Variants in HP observed in about 807,000 individuals in gnomAD.
HP encodes haptoglobin alpha(1S)-beta.
HP carries 9 observed loss-of-function variants against 23.2 expected under a neutral mutation model. The observed-to-expected ratio is 0.39, with a 90% CI of 0.23 to 0.68. The LOEUF (loss-of-function observed/expected upper bound fraction) is 0.68, where lower values mean the gene tolerates loss of function less well. HP is among the 30% of genes least tolerant of loss of function. The pLI is 0.47. For synonymous variants in HP, 155 were observed against 183.3 expected (o/e 0.85, Z 1.25); for missense variants, 433 against 483.6 (o/e 0.90, Z 0.98).
intron 6 of HP, chr16:72,059,859 C>G: frequency 2.4e-6 from 2 of 831,800 alleles, no homozygotes; most frequent in Admixed American, 3.0e-5. Flanking sequence ...AGCCAGGGCT[C>G]AAAAATCTCA....
At position 72,056,042 on chromosome 16, in the gene HP, G is replaced by C. The variant is rs2041453952; in HGVS notation, c.6-119G>C. ...TTTCTTTTCTGGCTGCTAAGTGGGA[G>C]GAGTGTGTGTGTATGCATGTGTGTG... On this transcript the variant is annotated intron_variant, in intron 1 of 6. Transcript: ENST00000355906. 2.0e-6 allele frequency: 3 copies of C among 1,465,340 alleles called. No homozygotes were observed. In the African/African-American group the frequency reaches 4.2e-5, roughly 20 times the overall value. The allele number at this position is 1,465,340 out of a possible 1,614,324, so 90.8% of individuals were successfully genotyped here.
At position 72,058,119 on chromosome 16, in the gene HP, A is replaced by G. The variant is rs2041485173; in HGVS notation, c.266-135A>G. ...CCTTTATTGGGATAATTGTTTAAAA[A>G]TAATACAGTTCGCGAGCTTCTATTC... is the stretch of plus-strand genomic sequence containing the variant. On this transcript the variant is annotated intron_variant, in intron 4 of 6. Coordinates refer to ENST00000355906, the MANE Select transcript of HP (RefSeq NM_005143.5). 3 of 1,102,620 alleles carry G rather than the reference A, an allele frequency of 2.7e-6. No homozygotes were observed. The East Asian group carries it at 8.4e-5, about 31-fold the overall frequency. The allele number at this position is 1,102,620 out of a possible 1,614,324, so 68.3% of individuals were successfully genotyped here.
chr16:72,054,630 T>C lies in HP; in HGVS notation c.-23T>C, dbSNP rs1050191431. 6.2e-7 allele frequency: 1 copy of C among 1,610,714 alleles called. No individual in the cohort carries two copies. The highest frequency in any genetic ancestry group is 1.3e-5 in the African/African-American group (1 of 75,018). ...CAGCAGATGCCCCACAGCACTGCTC[T>C]TCCAGAGGCAAGACCAACCAAGATG... On this transcript the variant is annotated 5_prime_UTR_variant, in exon 1 of 7. Coordinates refer to ENST00000355906, the MANE Select transcript of HP (RefSeq NM_005143.5).
Position 72,058,314 on chromosome 16 carries a change from A to G in HP, c.326A>G (p.Tyr109Cys). 1.2e-6 allele frequency: 1 copy of G among 813,678 alleles called. No individual in the cohort carries two copies. The highest frequency in any genetic ancestry group is 1.8e-6 in the Non-Finnish European group (1 of 549,868). The allele number at this position is 813,678 out of a possible 1,614,324, so 50.4% of individuals were successfully genotyped here. The change falls in exon 5 of 7, where the codon TAC (tyrosine) becomes TGC (cysteine). Residue 109 changes from tyrosine to cysteine, a missense_variant. Around this residue, in one of 3 missense-constraint regions of HP, gnomAD observed 326 missense variants for 358.1 expected, o/e 0.91. Transcript: ENST00000355906. ...GGCTATGTGGAGCACTCGGTTCGCT[A>G]CCAGTGTAAGAACTACTACAAACTG... is the stretch of plus-strand genomic sequence containing the variant. ...AHGYVEHSVR[Y>C]QCKNYYKLRT...
In HP at chr16:72,056,557, T is replaced by C. The variant is rs2041466364; in HGVS notation, c.116T>C (p.Ile39Thr). ...ADDGCPKPPE[I>T]AHGYVEHSVR... ...GACGGCTGCCCGAAGCCCCCCGAGA[T>C]TGCACATGGCTATGTGGAGCACTCG... The change falls in exon 3 of 7, where the codon ATT becomes ACT. Residue 39 changes from isoleucine (I) to threonine (T), a missense_variant. By Grantham distance (89) the Ile-to-Thr change is moderately conservative (BLOSUM62 -1). Around this residue, in one of 3 missense-constraint regions of HP, gnomAD observed 71 missense variants for 54.2 expected, o/e 1.31. Transcript: ENST00000355906. 6.7e-7 allele frequency: 1 copy of C among 1,486,990 alleles called. No individual in the cohort carries two copies. Among genetic ancestry groups the C allele is most frequent in the Non-Finnish European group, 9.1e-7 (1 of 1,100,688 alleles). The allele number at this position is 1,486,990 out of a possible 1,614,324, so 92.1% of individuals were successfully genotyped here. A position where few individuals can be genotyped will look rare whatever the true frequency, so the allele number is the denominator to read the frequency against.
chr16:72,056,371 G>C (rs1176695935), intron 2 of HP, 128 bp downstream of exon 2: 23 of 1,561,226 alleles, frequency 1.5e-5, no homozygotes, highest in Non-Finnish European at 1.8e-5. Flanking sequence ...AAGAACATTG[G>C]GGTTCCTGCC....
In HP at chr16:72,054,535, A is replaced by C; in HGVS notation, c.-118A>C. On this transcript the variant is annotated 5_prime_UTR_variant, in exon 1 of 7. Coordinates refer to ENST00000355906, the MANE Select transcript of HP (RefSeq NM_005143.5). The stretch of plus-strand genomic sequence containing the variant: ...AAAAGATAGTGACCTTACCAGGGCC[A>C]AAGTTTGTAGACACAGGAATTACGA... 1.3e-6 allele frequency: 2 copies of C among 1,574,022 alleles called. No homozygotes were observed. The highest frequency in any genetic ancestry group is 1.9e-5 in the Admixed American group (1 of 53,782).
At chr16:72,055,498 G>A (rs1032186036) in intron 1 of HP, 9 of 160,878 alleles carry the variant, frequency 5.6e-5, no homozygotes, top group African/African-American at 1.9e-4. Flanking sequence ...TAGTGAGATG[G>A]TGAACTGGCA....
chr16:72,060,320 T>C lies in HP; in HGVS notation c.651T>C (p.Ile217=). 1 of 1,614,126 alleles carries C rather than the reference T, an allele frequency of 6.2e-7. No individual in the cohort carries two copies. Among genetic ancestry groups the C allele is most frequent in the Non-Finnish European group, 8.5e-7 (1 of 1,180,028 alleles). ...NHSENATAKD[I]APTLTLYVGK... The stretch of plus-strand genomic sequence containing the variant: ...CAGAAAATGCAACAGCGAAAGACAT[T>C]GCCCCTACTTTAACACTCTATGTGG... Residue 217 remains isoleucine (I), a synonymous_variant, in exon 7 of 7, where the codon ATT becomes ATC. Transcript: ENST00000355906.
At chr16:72,054,877 CT>C in intron 1 of HP, 1 of 894,346 alleles carries the variant, frequency 1.1e-6, no homozygotes. Flanking sequence ...TCAGGAGTGT[CT>C]TTTTCCTTCA....
chr16:72,056,473 C>T (rs1030455398), intron 2 of HP, 57 bp from the exon 3 acceptor site: 75 of 1,300,528 alleles, frequency 5.8e-5, no homozygotes, highest in Non-Finnish European at 7.4e-5. Context: ...TGACTTTTCA[C>T]GGTTCACTGG....
intron 5 of HP, 95 bp downstream of exon 5, chr16:72,058,450 C>T (rs1597410145): frequency 1.7e-5 from 6 of 358,004 alleles, no homozygotes; most frequent in Non-Finnish European, 2.4e-5. Context: ...CCAGAAAGTT[C>T]GTTGCTCTCC....
rs577448234 is a variant in HP at position 72,060,065 on chromosome 16, A to C, written c.443-47A>C. 2.8e-4 allele frequency: 447 copies of C among 1,598,892 alleles called. 7 individuals are homozygous for C. The South Asian group carries it at 4.7e-3, about 17-fold the overall frequency. On this transcript the variant is annotated intron_variant, in intron 6 of 6. Coordinates refer to ENST00000355906, the MANE Select transcript of HP (RefSeq NM_005143.5). ...GCTTTCACCCCTTTCTCAGATGGAA[A>C]GGCTCTTGCACATTTCCACTCACGA... is the stretch of plus-strand genomic sequence containing the variant.
At position 72,060,782 on chromosome 16, in the gene HP, G is replaced by A. The variant is rs930561004; in HGVS notation, c.1113G>A (p.Ala371=). 16 of 1,614,056 alleles carry A rather than the reference G, an allele frequency of 9.9e-6. No individual in the cohort carries two copies. Among genetic ancestry groups the A allele is most frequent in the South Asian group, 3.3e-5 (3 of 91,076 alleles). ...VHDLEEDTWY[A]TGILSFDKSC... is the part of the protein sequence containing the mutation. ...ACCTGGAGGAGGACACCTGGTATGC[G>A]ACTGGGATCTTAAGCTTTGATAAGA... The change falls in exon 7 of 7, where the codon GCG becomes GCA. Residue 371 remains alanine (A), a synonymous_variant. Coordinates refer to ENST00000355906, the MANE Select transcript of HP (RefSeq NM_005143.5).
In HP at chr16:72,060,691, C is replaced by A; in HGVS notation, c.1022C>A (p.Ala341Asp). 6.2e-7 allele frequency: 1 copy of A among 1,614,114 alleles called. No homozygotes were observed. Among genetic ancestry groups the A allele is most frequent in the Admixed American group, 1.7e-5 (1 of 60,010 alleles). ...QPILNEHTFCAGMSKYQEDTC... is the reference protein window; with the variant it reads ...QPILNEHTFCDGMSKYQEDTC... ...ATACTGAATGAACACACCTTCTGTG[C>A]TGGCATGTCTAAGTACCAAGAAGAC... The change falls in exon 7 of 7, where the codon GCT becomes GAT. Residue 341 changes from alanine (A) to aspartate (D), a missense_variant. Ala to Asp is a moderately radical substitution (Grantham distance 126, BLOSUM62 -2). This residue lies in a region of HP where 326 missense variants were observed against 358.1 expected (regional missense o/e 0.91). Transcript: ENST00000355906.
rs773557999 is a variant in HP at position 72,060,808 on chromosome 16, G to A, written c.1139G>A (p.Ser380Asn). 1 of 1,614,072 alleles carries A rather than the reference G, an allele frequency of 6.2e-7. No homozygotes were observed. The highest frequency in any genetic ancestry group is 8.5e-7 in the Non-Finnish European group (1 of 1,179,944). Residue 380 changes from serine (S) to asparagine (N), a missense_variant, in exon 7 of 7, where the codon AGC becomes AAC. Physicochemically the swap from Ser to Asn is conservative, Grantham distance 46 (BLOSUM62 1). Coordinates refer to ENST00000355906, the MANE Select transcript of HP (RefSeq NM_005143.5). ...YATGILSFDK[S>N]CAVAEYGVYV... is the part of the protein sequence containing the mutation. ...ACTGGGATCTTAAGCTTTGATAAGAGCTGTGCTGTGGCTGAGTATGGTGTG... is the reference window on the plus strand; with the variant it reads ...ACTGGGATCTTAAGCTTTGATAAGAACTGTGCTGTGGCTGAGTATGGTGTG...
chr16:72,055,373 C>T (rs1345643330), intron 1 of HP: 5 of 156,388 alleles, frequency 3.2e-5, no homozygotes, highest in Admixed American at 6.2e-5. Context: ...CTCTTGACCT[C>T]GTGATCTGCC....
rs549850893 is a variant in HP, at chr16:72,060,345, G to A, written c.676G>A (p.Gly226Arg). The A allele has an allele frequency of 1.2e-6, 2 of 1,614,112 alleles. No individual in the cohort carries two copies. Among genetic ancestry groups the A allele is most frequent in the Admixed American group, 1.7e-5 (1 of 60,010 alleles). Residue 226 changes from glycine to arginine, a missense_variant, in exon 7 of 7, where the codon GGG becomes AGG. Physicochemically the swap from Gly to Arg is moderately radical, Grantham distance 125. Coordinates refer to ENST00000355906, the MANE Select transcript of HP (RefSeq NM_005143.5). ...TGCCCCTACTTTAACACTCTATGTG[G>A]GGAAAAAGCAGCTTGTAGAGATTGA... ...DIAPTLTLYV[G>R]KKQLVEIEKV...
In HP at chr16:72,058,246, CTT is replaced by C. The variant is rs2041486422; in HGVS notation, c.266-6_266-5del. ...ATAGCAAACTCTCTGGCTTCTCTCTCTTTGCAGATGACGGCTGCCCGAAGCCC... is the reference window on the plus strand; with the variant it reads ...ATAGCAAACTCTCTGGCTTCTCTCTCTGCAGATGACGGCTGCCCGAAGCCC... On this transcript the variant is annotated splice_polypyrimidine_tract_variant and splice_region_variant and intron_variant, in intron 4 of 6. Coordinates refer to ENST00000355906, the MANE Select transcript of HP (RefSeq NM_005143.5). The C allele has an allele frequency of 6.2e-6, 6 of 974,230 alleles. 1 individual carries two copies. Among genetic ancestry groups the C allele is most frequent in the Non-Finnish European group, 8.8e-6 (6 of 685,678 alleles). The allele number at this position is 974,230 out of a possible 1,614,324, so 60.3% of individuals were successfully genotyped here.
Sources: gnomAD v4.1 joint callset for allele counts on GRCh38, gnomAD v4.1.1 for gene constraint, gnomAD v4.1.1 regional missense constraint, MANE v1.5 for transcripts, NCBI Gene and HGNC (gene_info 2026-07-23, HGNC 2026-07-21) for gene names.